Variants in SLC9A2 observed in about 807,000 individuals in gnomAD.
The protein encoded by SLC9A2 is sodium/hydrogen exchanger 2.
Under a neutral mutation model 71.7 loss-of-function variants are expected in SLC9A2, and 42 were observed. That is an observed-to-expected ratio of 0.59 (90% CI 0.46 to 0.76). The LOEUF (loss-of-function observed/expected upper bound fraction) is 0.76, where lower values mean the gene tolerates loss of function less well. Ranked by LOEUF, SLC9A2 falls within the 30% of genes least tolerant of loss-of-function variation. The probability of loss-of-function intolerance (pLI) is 0.00; values close to 1 mark genes in which losing one functional copy is unlikely to be tolerated. For synonymous variants in SLC9A2, 396 were observed against 392.5 expected (o/e 1.01, Z -0.10); for missense variants, 829 against 1,017.4 (o/e 0.81, Z 2.52).
chr2:102,702,916 T>C (rs1677901620), intron 9 of SLC9A2, among the ~76,000 whole-genome samples: 1 of 152,238 alleles, frequency 6.6e-6, no homozygotes, highest in Non-Finnish European at 1.5e-5. Flanking sequence ...AGCACCTTAT[T>C]CTAATAATTT....
intron 1 of SLC9A2, among the ~76,000 whole-genome samples, chr2:102,641,701 A>G (rs935327343): frequency 1.4e-4 from 21 of 151,968 alleles, no homozygotes; most frequent in Admixed American, 6.6e-4. Flanking sequence ...TGTAAACTCC[A>G]TGAGGACAGA....
intron 5 of SLC9A2, among the ~76,000 whole-genome samples, chr2:102,692,575 C>T (rs1677684855): frequency 6.6e-6 from 1 of 151,490 alleles, no homozygotes; most frequent in African/African-American, 2.5e-5. Context: ...TCACCCCCTC[C>T]TTACCTGCCC....
In SLC9A2 at chr2:102,686,287, A is replaced by G. The variant is rs905792762; in HGVS notation, c.1425+1951A>G. On this transcript the variant is annotated intron_variant, in intron 5 of 11. Coordinates refer to ENST00000233969, the MANE Select transcript of SLC9A2 (RefSeq NM_003048.6). ...AGTTTACCAAATTTGCACAGATACT[A>G]AAATGTAAAGCAGAGTCAAAATCTA... is the stretch of plus-strand genomic sequence containing the variant. 6 of 152,214 alleles carry G rather than the reference A, an allele frequency of 3.9e-5. No homozygotes were observed. The East Asian group carries it at 1.2e-3, about 29-fold the overall frequency. The allele number at this position is 152,214 out of a possible 1,614,324, so 9.4% of individuals were successfully genotyped here. A position where few individuals can be genotyped will look rare whatever the true frequency, so the allele number is the denominator to read the frequency against.
chr2:102,639,595 AGTGG>A (rs1464587934), intron 1 of SLC9A2, among the ~76,000 whole-genome samples: 1 of 152,248 alleles, frequency 6.6e-6, no homozygotes, highest in Non-Finnish European at 1.5e-5. Flanking sequence ...TGAACAATTC[AGTGG>A]CATTGAGTAC....
Position 102,683,367 on chromosome 2 carries a change from G to A in SLC9A2, c.1111G>A (p.Glu371Lys), listed in dbSNP as rs867313703. 3 of 1,614,072 alleles carry A rather than the reference G, an allele frequency of 1.9e-6. No homozygotes were observed. The highest frequency in any genetic ancestry group is 2.5e-6 in the Non-Finnish European group (3 of 1,179,926). Reference protein sequence around the residue: ...YFMKMLSSVSETLIFIFMGVS... With the variant: ...YFMKMLSSVSKTLIFIFMGVS... ...CATGAAGATGCTGAGCAGTGTCAGC[G>A]AAACCTTGATCTTCATCTTCATGGG... Residue 371 changes from glutamate (E) to lysine (K), a missense_variant, in exon 4 of 12, where the codon GAA becomes AAA. By Grantham distance (56) the Glu-to-Lys change is moderately conservative (BLOSUM62 1). Coordinates refer to ENST00000233969, the MANE Select transcript of SLC9A2 (RefSeq NM_003048.6).
intron 7 of SLC9A2, among the ~76,000 whole-genome samples, chr2:102,698,289 G>C (rs1677805624): frequency 1.3e-5 from 2 of 152,268 alleles, no homozygotes; most frequent in South Asian, 2.1e-4. Flanking sequence ...GAGCCCTCTA[G>C]TATTTAGAAC....
intron 1 of SLC9A2, among the ~76,000 whole-genome samples, chr2:102,640,248 A>C (rs142867228): frequency 7.2e-5 from 11 of 152,314 alleles, no homozygotes; most frequent in African/African-American, 2.4e-4. Context: ...CTTCTCACAC[A>C]AAATGTGTTG....
chr2:102,634,672 G>A (rs1163849614), intron 1 of SLC9A2, among the ~76,000 whole-genome samples: 1 of 152,130 alleles, frequency 6.6e-6, no homozygotes, highest in East Asian at 1.9e-4. Flanking sequence ...AATTATACAT[G>A]TCAGCCTCTG....
At chr2:102,627,702 A>T (rs965440625) in intron 1 of SLC9A2, among the ~76,000 whole-genome samples, 1 of 151,982 alleles carries the variant, frequency 6.6e-6, no homozygotes, top group Non-Finnish European at 1.5e-5. Context: ...CTTCTAAGTT[A>T]TCTGCTTCTG....
chr2:102,637,297 T>C (rs1676485194), intron 1 of SLC9A2, among the ~76,000 whole-genome samples: 3 of 152,182 alleles, frequency 2.0e-5, no homozygotes, highest in Admixed American at 2.0e-4. Context: ...GTATGAGAAA[T>C]TCCCTTGCCA....
At chr2:102,640,392 A>G (rs1676552347) in intron 1 of SLC9A2, among the ~76,000 whole-genome samples, 1 of 152,156 alleles carries the variant, frequency 6.6e-6, no homozygotes, top group Non-Finnish European at 1.5e-5. Context: ...GGTCCCACAA[A>G]ACTGCCCATG....
chr2:102,680,159 T>G (rs1677424193), intron 3 of SLC9A2, among the ~76,000 whole-genome samples: 1 of 73,618 alleles, frequency 1.4e-5, no homozygotes, highest in African/African-American at 3.3e-5. Flanking sequence ...CTTGGCAACA[T>G]TTTTTTTTCC....
rs1326718903 is a variant in SLC9A2, at chr2:102,697,830, A to G, written c.1586+2717A>G. 2.6e-5 allele frequency among the ~76,000 whole-genome samples: 4 copies of G among 151,854 alleles called. No homozygotes were observed. In the South Asian group the frequency reaches 8.4e-4, roughly 32 times the overall value. On this transcript the variant is annotated intron_variant, in intron 7 of 11. Coordinates refer to ENST00000233969, the MANE Select transcript of SLC9A2 (RefSeq NM_003048.6). Reference sequence around the variant, plus strand: ...GTTGGGTGTCTTCCCTTTTCTCTGGAATCCTTATGCTGTGGATTTCCAGTG... The same window carrying G: ...GTTGGGTGTCTTCCCTTTTCTCTGGGATCCTTATGCTGTGGATTTCCAGTG...
At chr2:102,634,024 C>G (rs1054099284) in intron 1 of SLC9A2, among the ~76,000 whole-genome samples, 1 of 152,120 alleles carries the variant, frequency 6.6e-6, no homozygotes, top group South Asian at 2.1e-4. Flanking sequence ...GACTCATTGT[C>G]TGGAACAAGG....
At chr2:102,691,171 G>A (rs1468872187) in intron 5 of SLC9A2, among the ~76,000 whole-genome samples, 1 of 152,174 alleles carries the variant, frequency 6.6e-6, no homozygotes, top group East Asian at 1.9e-4. Flanking sequence ...GATTCTCCCA[G>A]GCAGGCCTGA....
chr2:102,643,703 A>G (rs1357966313), intron 1 of SLC9A2, among the ~76,000 whole-genome samples: 1 of 152,192 alleles, frequency 6.6e-6, no homozygotes, highest in Non-Finnish European at 1.5e-5. Context: ...AGAAAAATGC[A>G]TCTACTCCAT....
rs143512747 is a variant in SLC9A2, at chr2:102,698,691, G to A, written c.1587-2379G>A. Among the ~76,000 whole-genome samples, 318 of 152,322 alleles carry A rather than the reference G, an allele frequency of 2.1e-3. 1 individual carries two copies. The highest frequency in any genetic ancestry group is 7.3e-3 in the African/African-American group (305 of 41,564). On this transcript the variant is annotated intron_variant, in intron 7 of 11. Transcript: ENST00000233969. ...GTCACCTTTGTCCTCGGACTAAGGA[G>A]CCACTCTGCATATCCTTCTAATAGT... is the stretch of plus-strand genomic sequence containing the variant.
rs186723323 is a variant in SLC9A2 at position 102,660,712 on chromosome 2, T to C, written c.753+2685T>C. ...TATTAAAAATATGGGCCATGATGCA[T>C]ACAGCAAAAACTGTGAGTCACTAGG... On this transcript the variant is annotated intron_variant, in intron 2 of 11. Coordinates refer to ENST00000233969, the MANE Select transcript of SLC9A2 (RefSeq NM_003048.6). Among the ~76,000 whole-genome samples the C allele has an allele frequency of 1.1e-3, 171 of 152,316 alleles. 1 individual carries two copies. The highest frequency in any genetic ancestry group is 2.2e-3 in the Non-Finnish European group (151 of 68,022).
At chr2:102,670,849 CTTT>C (rs10687841) in intron 3 of SLC9A2, among the ~76,000 whole-genome samples, 5,557 of 75,832 alleles carry the variant, frequency 0.073, 162 homozygotes, top group African/African-American at 0.18. Flanking sequence ...GGAAGGCATG[CTTT>C]TTTTTTTTTT....
Sources: allele counts gnomAD v4.1 joint callset (sites outside exome capture counted in the v4.1 genomes callset), GRCh38; gene constraint gnomAD v4.1.1; transcripts MANE v1.5; gene names NCBI Gene and HGNC (gene_info 2026-07-23, HGNC 2026-07-21).